UTRN: variants seen among roughly 807,000 people sequenced by gnomAD.
UTRN encodes the protein dystrophin-related protein 1.
In UTRN, 283 loss-of-function variants were observed where a neutral mutation model predicts 463.9. The observed-to-expected ratio is 0.61, with a 90% CI of 0.55 to 0.67. The LOEUF (loss-of-function observed/expected upper bound fraction) is 0.67. UTRN is among the 30% of genes least tolerant of loss of function. The pLI, the probability that UTRN is intolerant of heterozygous loss-of-function variation, is 0.00. For synonymous variants in UTRN, 1,442 were observed against 1,431.5 expected (o/e 1.01, Z -0.17); for missense variants, 3,922 against 4,084.3 (o/e 0.96, Z 1.08).
chr6:144,467,578 G>A (rs1049405546), intron 23 of UTRN, among the ~76,000 whole-genome samples: 2 of 152,154 alleles, frequency 1.3e-5, no homozygotes, highest in Non-Finnish European at 2.9e-5. Flanking sequence ...AACAGTCAAA[G>A]GCACACATGA....
At chr6:144,410,521 G>A (rs1022268754) in intron 3 of UTRN, among the ~76,000 whole-genome samples, 1 of 151,974 alleles carries the variant, frequency 6.6e-6, no homozygotes, top group African/African-American at 2.4e-5. Flanking sequence ...CCCATCACCC[G>A]AGCAGTATAC....
At chr6:144,289,969 T>C (rs911705348) in intron 1 of UTRN, among the ~76,000 whole-genome samples, 2 of 152,216 alleles carry the variant, frequency 1.3e-5, no homozygotes, top group Non-Finnish European at 2.9e-5. Context: ...TTCCCACTTA[T>C]TTTACAATAC....
At chr6:144,635,445 C>T (rs574812668) in intron 51 of UTRN, among the ~76,000 whole-genome samples, 1 of 151,312 alleles carries the variant, frequency 6.6e-6, no homozygotes, top group East Asian at 1.9e-4. Flanking sequence ...GCCACCATGC[C>T]CAGCCTGCAA....
At chr6:144,489,127 G>A (rs1584987827) in intron 30 of UTRN, among the ~76,000 whole-genome samples, 2 of 152,038 alleles carry the variant, frequency 1.3e-5, no homozygotes, top group East Asian at 3.9e-4. Context: ...TTGGCTCACT[G>A]CAACCTCCGC....
At chr6:144,680,517 C>T (rs1782100291) in intron 52 of UTRN, among the ~76,000 whole-genome samples, 1 of 152,098 alleles carries the variant, frequency 6.6e-6, no homozygotes, top group Non-Finnish European at 1.5e-5. Context: ...ATTAAAATAA[C>T]TTTTACTTTG....
At chr6:144,604,720 C>A (rs1804648253) in intron 51 of UTRN, among the ~76,000 whole-genome samples, 1 of 152,034 alleles carries the variant, frequency 6.6e-6, no homozygotes, top group Non-Finnish European at 1.5e-5. Context: ...TCGAGACCAG[C>A]CTGGCCAACA....
chr6:144,546,154 G>T (rs1279997044), intron 46 of UTRN, among the ~76,000 whole-genome samples: 1 of 152,206 alleles, frequency 6.6e-6, no homozygotes, highest in Non-Finnish European at 1.5e-5. Flanking sequence ...GAGATATTCT[G>T]TAGGGTGTAT....
rs1228763049 is a variant in UTRN at position 144,803,090 on chromosome 6, G to A, written c.9300G>A (p.Ser3100=). The A allele has an allele frequency of 1.3e-6, 2 of 1,595,610 alleles. No homozygotes were observed. The highest frequency in any genetic ancestry group is 1.7e-6 in the Non-Finnish European group (2 of 1,171,384). ...ATGTCTGCCAGAGTTGTTTCTTTTC[G>A]GGTCGAACAGCAAAAGGTCACAAAT... ...NYDVCQSCFF[S]GRTAKGHKLH... Residue 3100 remains serine (S), a synonymous_variant, in exon 65 of 75, where the codon TCG becomes TCA. Transcript: ENST00000367545.
intron 51 of UTRN, among the ~76,000 whole-genome samples, chr6:144,587,352 T>A (rs1002934718): frequency 6.6e-6 from 1 of 152,118 alleles, no homozygotes; most frequent in Non-Finnish European, 1.5e-5. Flanking sequence ...GATTGACCAG[T>A]GATGTCTACA....
At chr6:144,802,086 G>T (rs76237038) in intron 64 of UTRN, among the ~76,000 whole-genome samples, 5,550 of 152,278 alleles carry the variant, frequency 0.036, 321 homozygotes, top group African/African-American at 0.12. Flanking sequence ...GAAAAAGAGA[G>T]AATGGCTATC....
chr6:144,781,054 CA>C (rs67645927), intron 60 of UTRN, among the ~76,000 whole-genome samples: 2,580 of 152,278 alleles, frequency 0.017, 68 homozygotes, highest in African/African-American at 0.059. Flanking sequence ...TTAGTAAAGC[CA>C]TCAGTATGTC....
chr6:144,521,289 C>T (rs540506034), intron 39 of UTRN, among the ~76,000 whole-genome samples: 1 of 151,470 alleles, frequency 6.6e-6, no homozygotes, highest in Non-Finnish European at 1.5e-5. Flanking sequence ...CTGTCCTGCA[C>T]CCCCCCAAAA....
chr6:144,537,471 G>C, intron 43 of UTRN, 111 bp from the exon 44 acceptor site: 1 of 631,246 alleles, frequency 1.6e-6, no homozygotes, highest in Non-Finnish European at 2.3e-6. Flanking sequence ...ATAATTATTA[G>C]AAATTATTTA....
At chr6:144,478,660 A>G (rs1011732674) in intron 25 of UTRN, among the ~76,000 whole-genome samples, 3 of 152,208 alleles carry the variant, frequency 2.0e-5, no homozygotes, top group African/African-American at 7.2e-5. Flanking sequence ...AACTTCTGTG[A>G]GAACCATCCA....
intron 37 of UTRN, 61 bp downstream of exon 37, chr6:144,514,881 T>A: frequency 6.7e-7 from 1 of 1,500,964 alleles, no homozygotes; most frequent in Non-Finnish European, 9.1e-7. Context: ...TAAATGATAG[T>A]CATACAGTAC....
intron 51 of UTRN, among the ~76,000 whole-genome samples, chr6:144,631,280 T>G (rs1776494312): frequency 7.0e-6 from 1 of 142,054 alleles, no homozygotes; most frequent in Non-Finnish European, 1.6e-5. Flanking sequence ...GTAACTATTC[T>G]TTTGAAGATG....
At chr6:144,826,799 GT>G (rs1780227420) in intron 66 of UTRN, among the ~76,000 whole-genome samples, 1 of 152,138 alleles carries the variant, frequency 6.6e-6, no homozygotes, top group African/African-American at 2.4e-5. Context: ...TAGGTTGCAT[GT>G]TTGTTCAATG....
chr6:144,368,463 CT>C (rs1175603029), intron 2 of UTRN, among the ~76,000 whole-genome samples: 22 of 152,092 alleles, frequency 1.4e-4, no homozygotes, highest in African/African-American at 4.8e-4. Context: ...AGAAACATAT[CT>C]TTACCATTAA....
chr6:144,604,388 T>C (rs1804595658), intron 51 of UTRN, among the ~76,000 whole-genome samples: 1 of 152,194 alleles, frequency 6.6e-6, no homozygotes, highest in African/African-American at 2.4e-5. Flanking sequence ...AAAAATTGCA[T>C]GTTGTTACTA....
Sources: gnomAD v4.1 joint callset for allele counts (sites outside exome capture counted in the v4.1 genomes callset) on GRCh38, gnomAD v4.1.1 for gene constraint, MANE v1.5 for transcripts, NCBI Gene and HGNC (gene_info 2026-07-23, HGNC 2026-07-21) for gene names.